The following MTMR4 variants were observed in gnomAD, a reference collection of about 807,000 sequenced individuals.
MTMR4 encodes the protein phosphatidylinositol-3,5-bisphosphate 3-phosphatase MTMR4.
Under a neutral mutation model 125.5 loss-of-function variants are expected in MTMR4, and 30 were observed. The observed-to-expected ratio is 0.24, with a 90% confidence interval of 0.18 to 0.32. MTMR4 has a LOEUF of 0.32. MTMR4 is among the 10% of genes least tolerant of loss of function. The pLI, the probability that MTMR4 is intolerant of heterozygous loss-of-function variation, is 1.00. For missense variants in MTMR4, 1,039 were observed against 1,511.5 expected (o/e 0.69, Z 5.18); for synonymous variants, 498 against 564.5 (o/e 0.88, Z 1.67).
rs1975851839 is a variant in MTMR4, at chr17:58,508,899, T to C, written c.336-58A>G. 6.4e-7 allele frequency: 1 copy of C among 1,570,380 alleles called. No individual in the cohort carries two copies. Among genetic ancestry groups the C allele is most frequent in the Non-Finnish European group, 8.7e-7 (1 of 1,149,690 alleles). Reference sequence around the variant, plus strand: ...GCAAAGTGCAGTTGTGCCATGGGGCTATCAGGGCCAAAAACACAGCCACAG... The same window carrying C: ...GCAAAGTGCAGTTGTGCCATGGGGCCATCAGGGCCAAAAACACAGCCACAG... On this transcript the variant is annotated intron_variant, in intron 4 of 17. Transcript: ENST00000682306. The surrounding 1 kb of genome is among the most constrained non-coding windows in gnomAD (Gnocchi z 4.8).
At chr17:58,505,103 G>A in intron 10 of MTMR4, 129 bp from the exon 11 acceptor site, 1 of 875,176 alleles carries the variant, frequency 1.1e-6, no homozygotes, top group South Asian at 1.8e-5. Context: ...ACAACCCAGG[G>A]CCTTTTGGAC....
Position 58,495,345 on chromosome 17 carries a change from A to G in MTMR4, c.2839T>C (p.Cys947Arg), listed in dbSNP as rs769238615. 6.2e-7 allele frequency: 1 copy of G among 1,614,208 alleles called. No homozygotes were observed. The highest frequency in any genetic ancestry group is 1.1e-5 in the South Asian group (1 of 91,082). The change falls in exon 15 of 18, where the codon TGT becomes CGT. Residue 947 changes from cysteine to arginine, a missense_variant. Physicochemically the swap from Cys to Arg is radical, Grantham distance 180. Transcript: ENST00000682306. ...TGCTTACTGTTTGGCCTCTTGCTAC[A>G]ACAGCCATAGGAAAGCAGCCGCCGA... ...TPRRLLSYGC[C>R]SKRPNSKQMR...
chr17:58,506,680 C>A, intron 9 of MTMR4, 63 bp downstream of exon 9: 2 of 1,587,934 alleles, frequency 1.3e-6, no homozygotes, highest in South Asian at 1.1e-5. Flanking sequence ...GGCCCCCAAC[C>A]CCCTCCTCAC....
intron 14 of MTMR4, among the ~76,000 whole-genome samples, chr17:58,501,675 T>C (rs1162305798): frequency 6.7e-6 from 1 of 148,774 alleles, no homozygotes; most frequent in Non-Finnish European, 1.5e-5. Flanking sequence ...TATATGTGTA[T>C]ATATATATAC....
At chr17:58,518,034 G>C (rs1334727189), upstream of MTMR4, 1 of 152,580 alleles carries the variant, frequency 6.6e-6, no homozygotes, top group Non-Finnish European at 1.5e-5. Flanking sequence ...CATTGGTCGA[G>C]TCGGGCAAAC....
chr17:58,512,610 G>T lies in MTMR4; in HGVS notation c.136-104C>A. 2 of 995,934 alleles carry T rather than the reference G, an allele frequency of 2.0e-6. No homozygotes were observed. The highest frequency in any genetic ancestry group is 1.6e-5 in the African/African-American group (1 of 62,640). The allele number at this position is 995,934 out of a possible 1,614,324, so 61.7% of individuals were successfully genotyped here. A position where few individuals can be genotyped will look rare whatever the true frequency, so the allele number is the denominator to read the frequency against. On this transcript the variant is annotated intron_variant, in intron 2 of 17. Transcript: ENST00000682306. The surrounding 1 kb of genome is among the most constrained non-coding windows in gnomAD (Gnocchi z 4.1). ...TCCCCTCTGGAAAAGGTGGGCCAAG[G>T]CAAGAGAGGAGAGTTCTCTCCACGG...
Position 58,514,414 on chromosome 17 carries a change from G to C in MTMR4, c.-7C>G. 1 of 986,290 alleles carries C rather than the reference G, an allele frequency of 1.0e-6. No individual in the cohort carries two copies. The highest frequency in any genetic ancestry group is 1.2e-6 in the Non-Finnish European group (1 of 830,180). The allele number at this position is 986,290 out of a possible 1,614,324, so 61.1% of individuals were successfully genotyped here. A position where few individuals can be genotyped will look rare whatever the true frequency, so the allele number is the denominator to read the frequency against. On this transcript the variant is annotated 5_prime_UTR_variant, in exon 1 of 18. Transcript: ENST00000682306. Reference sequence around the variant, plus strand: ...CGCGGGCGGTCAGGCTCATGGTCGCGGGCGGTCTGGGCCAGCGCACATGTC... The same window carrying C: ...CGCGGGCGGTCAGGCTCATGGTCGCCGGCGGTCTGGGCCAGCGCACATGTC...
Position 58,490,964 on chromosome 17 carries a change from C to G in MTMR4, c.*699G>C, listed in dbSNP as rs995932472. On this transcript the variant is annotated 3_prime_UTR_variant, in exon 18 of 18. Transcript: ENST00000682306. Reference sequence around the variant, plus strand: ...CAGCTCAAAATAACTCAATGTTTGCCAGGACCGAACATCAGCAGAGTTTTC... The same window carrying G: ...CAGCTCAAAATAACTCAATGTTTGCGAGGACCGAACATCAGCAGAGTTTTC... 6.6e-6 allele frequency: 1 copy of G among 152,658 alleles called. No individual in the cohort carries two copies. Among genetic ancestry groups the G allele is most frequent in the Admixed American group, 6.5e-5 (1 of 15,282 alleles). 9.5% of individuals were successfully genotyped at this position (152,658 alleles called of 1,614,324 possible).
At chr17:58,518,912 C>G (rs571903285), upstream of MTMR4, among the ~76,000 whole-genome samples, 1 of 152,290 alleles carries the variant, frequency 6.6e-6, no homozygotes, top group East Asian at 1.9e-4. Flanking sequence ...GTTTATAGAA[C>G]GTTGAAACTC....
intron 4 of MTMR4, among the ~76,000 whole-genome samples, chr17:58,510,068 TC>T (rs1274918776): frequency 6.6e-6 from 1 of 152,112 alleles, no homozygotes; most frequent in African/African-American, 2.4e-5. Context: ...TCCTAACTAG[TC>T]TCCCAGTTTT....
upstream of MTMR4, among the ~76,000 whole-genome samples, chr17:58,518,925 G>A (rs151297027): frequency 2.3e-4 from 35 of 152,314 alleles, no homozygotes; most frequent in Non-Finnish European, 4.6e-4. Flanking sequence ...TGAAACTCCA[G>A]TACTGTTGGT....
chr17:58,492,940 C>T lies in MTMR4; in HGVS notation c.3265G>A (p.Glu1089Lys). 6.2e-7 allele frequency: 1 copy of T among 1,614,002 alleles called. No individual in the cohort carries two copies. The highest frequency in any genetic ancestry group is 8.5e-7 in the Non-Finnish European group (1 of 1,179,828). The change falls in exon 16 of 18, where the codon GAG (glutamate) becomes AAG (lysine). Residue 1089 changes from glutamate to lysine, a missense_variant. Glu to Lys is a moderately conservative substitution (Grantham distance 56). This residue lies in a region of MTMR4 where 619 missense variants were observed against 714.5 expected (regional missense o/e 0.87). Transcript: ENST00000682306. Reference protein sequence around the residue: ...DYEDDFTCLKESDGSDTEDFG... With the variant: ...DYEDDFTCLKKSDGSDTEDFG... ...TCCTCAGTATCACTGCCATCTGACTCCTTCAAACATGTCTGATGAAAAGGC... is the reference window on the plus strand; with the variant it reads ...TCCTCAGTATCACTGCCATCTGACTTCTTCAAACATGTCTGATGAAAAGGC...
intron 14 of MTMR4, among the ~76,000 whole-genome samples, chr17:58,503,040 C>A (rs965970884): frequency 3.9e-5 from 6 of 152,182 alleles, no homozygotes; most frequent in African/African-American, 1.4e-4. Flanking sequence ...GAACCCATTT[C>A]CCTGAGAGTC....
In MTMR4 at chr17:58,494,984, C is replaced by T. The variant is rs776844253; in HGVS notation, c.3200G>A (p.Arg1067His). The change falls in exon 15 of 18, where the codon CGT (arginine) becomes CAT (histidine). Residue 1067 changes from arginine to histidine, a missense_variant. By Grantham distance (29) the Arg-to-His change is conservative (BLOSUM62 0). Around this residue, in one of 6 missense-constraint regions of MTMR4, gnomAD observed 619 missense variants for 714.5 expected, o/e 0.87. Coordinates refer to ENST00000682306, the MANE Select transcript of MTMR4 (RefSeq NM_001378067.1). The stretch of plus-strand genomic sequence containing the variant: ...CTCTGCTGGAGGGGCACAGCAGTGA[C>T]GGATGTCCAGCCTCATCTGAAGCTC... ...VRELQMRLDI[R>H]HCCAPPAEPP... The T allele has an allele frequency of 1.9e-5, 30 of 1,614,094 alleles. No individual in the cohort carries two copies. The highest frequency in any genetic ancestry group is 1.3e-4 in the East Asian group (6 of 44,888).
chr17:58,498,547 A>AG (rs1355183076), intron 14 of MTMR4, among the ~76,000 whole-genome samples: 1 of 19,942 alleles, frequency 5.0e-5, no homozygotes, highest in Non-Finnish European at 9.0e-5. Context: ...AGGGGGGAGG[A>AG]GGGGGGAGGA....
upstream of MTMR4, among the ~76,000 whole-genome samples, chr17:58,515,241 T>C (rs1976056213): frequency 6.6e-6 from 1 of 152,078 alleles, no homozygotes; most frequent in Admixed American, 6.6e-5. Flanking sequence ...GCTAGAAGTA[T>C]CGACCACAGA....
At chr17:58,514,668 G>A (rs1976037179), upstream of MTMR4, 2 of 985,160 alleles carry the variant, frequency 2.0e-6, no homozygotes, top group Non-Finnish European at 2.4e-6. Flanking sequence ...CCGGGACCGC[G>A]GCGGGAAGGC....
At position 58,505,554 on chromosome 17, in the gene MTMR4, T is replaced by G; in HGVS notation, c.1063A>C (p.Met355Leu). The change falls in exon 10 of 18, where the codon ATG (methionine) becomes CTG (leucine). Residue 355 changes from methionine to leucine, a missense_variant. By Grantham distance (15) the Met-to-Leu change is conservative. Transcript: ENST00000682306. ...ATGGCATGGATGTTGGCCATTCCCA[T>G]GAACACGACCTCACAGTTGGGATAG... ...EYYPNCEVVF[M>L]GMANIHAIRN... 1 of 1,612,178 alleles carries G rather than the reference T, an allele frequency of 6.2e-7. No homozygotes were observed. Among genetic ancestry groups the G allele is most frequent in the Non-Finnish European group, 8.5e-7 (1 of 1,178,792 alleles).
intron 3 of MTMR4, among the ~76,000 whole-genome samples, chr17:58,511,975 G>T (rs952911844): frequency 3.3e-5 from 5 of 151,928 alleles, no homozygotes; most frequent in African/African-American, 1.2e-4. Context: ...AAACAGAAGG[G>T]ATCCCCAACT....
Sources: allele counts gnomAD v4.1 joint callset (sites outside exome capture counted in the v4.1 genomes callset), GRCh38; gene constraint gnomAD v4.1.1; regional missense constraint gnomAD v4.1.1; non-coding constraint Gnocchi (gnomAD v3.1); transcripts MANE v1.5; gene names NCBI Gene and HGNC (gene_info 2026-07-23, HGNC 2026-07-21).